The following KCNG2 variants were observed in gnomAD, a reference collection of about 807,000 sequenced individuals.
KCNG2 encodes voltage-gated potassium channel regulatory subunit KCNG2.
In KCNG2, 7 loss-of-function variants were observed where a neutral mutation model predicts 12.3. The ratio of observed to expected loss-of-function variants is 0.57; its 90% confidence interval spans 0.32 to 1.07. The LOEUF (loss-of-function observed/expected upper bound fraction) is 1.07. Ranked by LOEUF, KCNG2 falls within the 50% of genes least tolerant of loss-of-function variation. KCNG2 has a pLI of 0.04. For missense variants in KCNG2, 703 were observed against 726.0 expected, an observed-to-expected ratio of 0.97 and a Z score of 0.36; for synonymous variants, 414 against 351.4, an observed-to-expected ratio of 1.18 and a Z score of -1.99.
chr18:79,852,454 C>G (rs1226530735), intron 1 of KCNG2, among the ~76,000 whole-genome samples: 1 of 152,236 alleles, frequency 6.6e-6, no homozygotes, highest in African/African-American at 2.4e-5. Flanking sequence ...TGTGCATAAG[C>G]GATTTCGACT....
intron 1 of KCNG2, among the ~76,000 whole-genome samples, chr18:79,815,515 G>A (rs370004817): frequency 6.6e-5 from 10 of 151,826 alleles, no homozygotes; most frequent in Non-Finnish European, 1.0e-4. Flanking sequence ...GGCTTCTAGC[G>A]GAATCAAAGA....
intron 1 of KCNG2, among the ~76,000 whole-genome samples, chr18:79,821,536 C>T (rs895385127): frequency 3.9e-5 from 6 of 152,056 alleles, no homozygotes; most frequent in Non-Finnish European, 7.4e-5. Context: ...GTTGTCCACC[C>T]GCCTCGGCCT....
intron 1 of KCNG2, among the ~76,000 whole-genome samples, chr18:79,827,338 C>T (rs1040075679): frequency 1.3e-5 from 2 of 152,208 alleles, no homozygotes; most frequent in East Asian, 1.9e-4. Context: ...TTTTCCCTGG[C>T]GGTGTCAGCA....
At chr18:79,854,520 C>T (rs922880901) in intron 1 of KCNG2, among the ~76,000 whole-genome samples, 1 of 133,008 alleles carries the variant, frequency 7.5e-6, no homozygotes, top group Non-Finnish European at 1.6e-5. Flanking sequence ...TATACATTGC[C>T]TTTCATTGGC....
At chr18:79,809,788 C>T (rs1234712304) in intron 1 of KCNG2, among the ~76,000 whole-genome samples, 1 of 152,280 alleles carries the variant, frequency 6.6e-6, no homozygotes, top group Non-Finnish European at 1.5e-5. Context: ...TCCTACTGCA[C>T]ACTAGGAGCT....
intron 1 of KCNG2, among the ~76,000 whole-genome samples, chr18:79,805,557 CGTCT>C (rs1272726164): frequency 6.6e-6 from 1 of 151,774 alleles, no homozygotes; most frequent in Admixed American, 6.6e-5. Flanking sequence ...TTTCTTCTAT[CGTCT>C]GTTTCTCAGT....
intron 1 of KCNG2, among the ~76,000 whole-genome samples, chr18:79,828,104 T>C (rs1475821849): frequency 6.6e-6 from 1 of 152,132 alleles, no homozygotes; most frequent in Non-Finnish European, 1.5e-5. Flanking sequence ...TTTGTATCTT[T>C]TGTAGAGATG....
chr18:79,834,180 T>C (rs942196693), intron 1 of KCNG2, among the ~76,000 whole-genome samples: 12 of 152,220 alleles, frequency 7.9e-5, no homozygotes, highest in African/African-American at 2.7e-4. Flanking sequence ...TCAGAGCGGC[T>C]TGGACCAAAG....
At chr18:79,855,140 C>T (rs1978966340) in intron 1 of KCNG2, among the ~76,000 whole-genome samples, 1 of 151,994 alleles carries the variant, frequency 6.6e-6, no homozygotes, top group Non-Finnish European at 1.5e-5. Context: ...TCCCAGGAGG[C>T]TGTGTGTGCT....
chr18:79,863,565 G>C, intron 2 of KCNG2, 63 bp from the exon 3 acceptor site: 1 of 1,116,684 alleles, frequency 9.0e-7, no homozygotes, highest in Non-Finnish European at 1.1e-6. Flanking sequence ...CTGGATCCCC[G>C]CGGGCGGACG....
At chr18:79,855,496 A>G (rs1267226528) in intron 1 of KCNG2, among the ~76,000 whole-genome samples, 1 of 152,004 alleles carries the variant, frequency 6.6e-6, no homozygotes, top group Non-Finnish European at 1.5e-5. Context: ...TTTCAGGGGT[A>G]TCACTGGCCT....
At position 79,803,285 on chromosome 18, in the gene KCNG2, A is replaced by C. The variant is rs1388316900; in HGVS notation, c.-115+5271A>C. Among the ~76,000 whole-genome samples the C allele has an allele frequency of 6.6e-6, 1 of 152,142 alleles. No homozygotes were observed. Among genetic ancestry groups the C allele is most frequent in the Non-Finnish European group, 1.5e-5 (1 of 68,030 alleles). The stretch of plus-strand genomic sequence containing the variant: ...CCCCAGCTCTTTCACCTCTGTAGTC[A>C]CAGGGCAGGGCCAGCCCCCTCACCT... On this transcript the variant is annotated intron_variant, in intron 1 of 3. Coordinates refer to ENST00000316249, the MANE Select transcript of KCNG2 (RefSeq NM_012283.2). The surrounding 1 kb of genome is among the most constrained non-coding windows in gnomAD (Gnocchi z 4.5).
At chr18:79,883,486 G>A (rs918199054) in intron 3 of KCNG2, among the ~76,000 whole-genome samples, 1 of 152,244 alleles carries the variant, frequency 6.6e-6, no homozygotes, top group Non-Finnish European at 1.5e-5. Context: ...CACAGTCTTT[G>A]AAGGCTTTTA....
intron 2 of KCNG2, among the ~76,000 whole-genome samples, chr18:79,858,238 G>C (rs1285951062): frequency 6.6e-6 from 1 of 152,226 alleles, no homozygotes; most frequent in Non-Finnish European, 1.5e-5. Context: ...CTGACCTCAA[G>C]TGATCCACCC....
At chr18:79,866,740 T>TGA (rs1979584682) in intron 3 of KCNG2, among the ~76,000 whole-genome samples, 1 of 45,736 alleles carries the variant, frequency 2.2e-5, no homozygotes, top group African/African-American at 6.3e-5. Flanking sequence ...CTGGGTACTG[T>TGA]GGTCTGGGTG....
intron 3 of KCNG2, among the ~76,000 whole-genome samples, chr18:79,869,034 C>T (rs113143744): frequency 1.0e-3 from 152 of 152,316 alleles, no homozygotes; most frequent in African/African-American, 3.3e-3. Flanking sequence ...GTTTCCCGCA[C>T]GCACTGTGCT....
intron 3 of KCNG2, among the ~76,000 whole-genome samples, chr18:79,894,046 A>G (rs1980851182): frequency 6.7e-6 from 1 of 148,222 alleles, no homozygotes; most frequent in African/African-American, 2.5e-5. Context: ...TCTAATGTTA[A>G]CGATTAATAT....
At chr18:79,836,902 C>G (rs1266484059) in intron 1 of KCNG2, among the ~76,000 whole-genome samples, 17 of 152,074 alleles carry the variant, frequency 1.1e-4, no homozygotes, top group Admixed American at 1.1e-3. Flanking sequence ...TCAATTCAGC[C>G]CTGGCCCCTC....
At chr18:79,802,585 G>T (rs554991680) in intron 1 of KCNG2, among the ~76,000 whole-genome samples, 1 of 152,348 alleles carries the variant, frequency 6.6e-6, no homozygotes, top group Admixed American at 6.5e-5. Context: ...TCCTTCTCCA[G>T]CTCAGGTTCA....
Sources: allele counts gnomAD v4.1 joint callset (sites outside exome capture counted in the v4.1 genomes callset), GRCh38; gene constraint gnomAD v4.1.1; non-coding constraint Gnocchi (gnomAD v3.1); transcripts MANE v1.5; gene names NCBI Gene and HGNC (gene_info 2026-07-23, HGNC 2026-07-21).